Variants in NEO1 observed in about 807,000 individuals in gnomAD.
NEO1 encodes neogenin.
NEO1 carries 63 observed loss-of-function variants against 159.7 expected under a neutral mutation model. That is an observed-to-expected ratio of 0.39 (90% CI 0.32 to 0.49). The LOEUF (loss-of-function observed/expected upper bound fraction) is 0.49. NEO1 is among the 20% of genes least tolerant of loss of function. The probability of loss-of-function intolerance (pLI) is 0.85; values close to 1 mark genes in which losing one functional copy is unlikely to be tolerated. For missense variants in NEO1, 1,615 were observed against 1,831.0 expected (o/e 0.88, Z 2.15); for synonymous variants, 633 against 662.0 (o/e 0.96, Z 0.67).
Position 73,283,077 on chromosome 15 carries a change from T to C in NEO1, c.3376T>C (p.Phe1126Leu). 6.2e-7 allele frequency: 1 copy of C among 1,614,176 alleles called. No homozygotes were observed. Among genetic ancestry groups the C allele is most frequent in the South Asian group, 1.1e-5 (1 of 91,078 alleles). ...TIVVVVIIAV[F>L]CTRRTTSHQK... ...CGTGGTGGTTGTGATTATCGCTGTC[T>C]TTTGTACCCGTCGTACCACCTCTCA... Residue 1126 changes from phenylalanine (F) to leucine (L), a missense_variant, in exon 23 of 29, where the codon TTT becomes CTT. Physicochemically the swap from Phe to Leu is conservative, Grantham distance 22. This residue lies in a region of NEO1 where 471 missense variants were observed against 498.9 expected (regional missense o/e 0.94). Coordinates refer to ENST00000261908, the MANE Select transcript of NEO1 (RefSeq NM_002499.4).
At chr15:73,169,716 G>C (rs1194785886) in intron 5 of NEO1, among the ~76,000 whole-genome samples, 1 of 148,554 alleles carries the variant, frequency 6.7e-6, no homozygotes, top group East Asian at 2.0e-4. Flanking sequence ...CTGCCTTAGG[G>C]GGAGCCTCAG....
chr15:73,247,478 A>G (rs1596471587), intron 9 of NEO1, among the ~76,000 whole-genome samples: 1 of 152,348 alleles, frequency 6.6e-6, no homozygotes, highest in East Asian at 1.9e-4. Context: ...CCATAGCAGC[A>G]GAAGTGTGAC....
intron 5 of NEO1, among the ~76,000 whole-genome samples, chr15:73,139,763 G>A (rs1038935358): frequency 6.6e-6 from 1 of 152,220 alleles, no homozygotes; most frequent in African/African-American, 2.4e-5. Context: ...TATTGTTCAT[G>A]CAGTCTTACT....
chr15:73,078,012 A>G (rs1375983562), intron 1 of NEO1, among the ~76,000 whole-genome samples: 3 of 152,164 alleles, frequency 2.0e-5, no homozygotes, highest in Non-Finnish European at 4.4e-5. Context: ...AAACATCCAG[A>G]AGTGGGAAAG....
intron 7 of NEO1, among the ~76,000 whole-genome samples, chr15:73,227,775 A>G (rs2038675083): frequency 6.6e-6 from 1 of 152,238 alleles, no homozygotes; most frequent in Non-Finnish European, 1.5e-5. Context: ...TAGTAGCAGT[A>G]TGAACAAAGG....
chr15:73,145,060 T>C (rs2151803049), intron 5 of NEO1, among the ~76,000 whole-genome samples: 1 of 152,316 alleles, frequency 6.6e-6, no homozygotes, highest in South Asian at 2.1e-4. Context: ...TAAAATTCTT[T>C]CATTAAAAAC....
At chr15:73,062,449 CT>C (rs748477823) in intron 1 of NEO1, among the ~76,000 whole-genome samples, 3 of 152,140 alleles carry the variant, frequency 2.0e-5, no homozygotes, top group Admixed American at 6.6e-5. Context: ...TCCATAGCTG[CT>C]TGTGGTTCTT....
chr15:73,093,571 C>CTTTT (rs758201657), intron 1 of NEO1, among the ~76,000 whole-genome samples: 1 of 141,594 alleles, frequency 7.1e-6, no homozygotes, highest in Non-Finnish European at 1.5e-5. Context: ...TGGGAAGTTC[C>CTTTT]TTTTTTTTTT....
chr15:73,234,646 T>C (rs542551309), intron 7 of NEO1, among the ~76,000 whole-genome samples: 25 of 152,348 alleles, frequency 1.6e-4, no homozygotes, highest in African/African-American at 5.8e-4. Flanking sequence ...CTTGCTTTAG[T>C]GAAGCATGTA....
Position 73,078,312 on chromosome 15 carries a change from T to C in NEO1, c.130+25507T>C, listed in dbSNP as rs143650197. On this transcript the variant is annotated intron_variant, in intron 1 of 28. Coordinates refer to ENST00000261908, the MANE Select transcript of NEO1 (RefSeq NM_002499.4). ...GAAGCAGGGAGAAGGATATTGACAA[T>C]GTAGAATGCTTTCTGTGATATACTG... 3.8e-3 allele frequency among the ~76,000 whole-genome samples: 580 copies of C among 152,266 alleles called. 11 individuals carry two copies. The East Asian group carries it at 0.046, about 12-fold the overall frequency.
intron 1 of NEO1, among the ~76,000 whole-genome samples, chr15:73,091,508 G>C (rs372067387): frequency 2.0e-5 from 3 of 151,924 alleles, no homozygotes; most frequent in African/African-American, 7.3e-5. Flanking sequence ...TGCCTTTAAG[G>C]GTTCTGCTTT....
chr15:73,238,245 TTTTG>T (rs1177220364), intron 8 of NEO1, among the ~76,000 whole-genome samples: 6 of 151,232 alleles, frequency 4.0e-5, no homozygotes, highest in African/African-American at 1.2e-4. Flanking sequence ...TGTGGTATTT[TTTTG>T]TTTGTTTCGC....
rs1344367190 is a variant in NEO1, at chr15:73,304,324, A to G, written c.*1628A>G. 6.6e-6 allele frequency: 1 copy of G among 152,380 alleles called. No individual in the cohort carries two copies. Among genetic ancestry groups the G allele is most frequent in the Admixed American group, 6.5e-5 (1 of 15,278 alleles). 9.4% of individuals were successfully genotyped at this position (152,380 alleles called of 1,614,324 possible). A position where few individuals can be genotyped will look rare whatever the true frequency, so the allele number is the denominator to read the frequency against. On this transcript the variant is annotated 3_prime_UTR_variant, in exon 29 of 29. Transcript: ENST00000261908. ...GAAAACACACGACTGACGCTCAGGC[A>G]TCTTCCCCTACTCCCCAACAGATCC...
At chr15:73,299,501 T>C (rs2042521806) in intron 27 of NEO1, among the ~76,000 whole-genome samples, 1 of 152,220 alleles carries the variant, frequency 6.6e-6, no homozygotes, top group African/African-American at 2.4e-5. Context: ...TTCTCCTGCC[T>C]TAGCCTCCCA....
At chr15:73,155,800 G>C (rs994188141) in intron 5 of NEO1, among the ~76,000 whole-genome samples, 1 of 152,158 alleles carries the variant, frequency 6.6e-6, no homozygotes, top group Non-Finnish European at 1.5e-5. Flanking sequence ...TTCAGTTCTA[G>C]AATTTGTTTG....
intron 7 of NEO1, among the ~76,000 whole-genome samples, chr15:73,215,617 T>A (rs2037832652): frequency 1.3e-5 from 2 of 152,262 alleles, no homozygotes; most frequent in Non-Finnish European, 2.9e-5. Context: ...CATCTCTGCA[T>A]CCCTAGTATG....
chr15:73,195,942 G>C (rs1255780477), intron 7 of NEO1, among the ~76,000 whole-genome samples: 1 of 152,138 alleles, frequency 6.6e-6, no homozygotes, highest in East Asian at 1.9e-4. Context: ...CTATTTCTCT[G>C]TCAACTACAT....
chr15:73,068,011 CA>C (rs2068311412), intron 1 of NEO1, among the ~76,000 whole-genome samples: 1 of 152,106 alleles, frequency 6.6e-6, no homozygotes, highest in Non-Finnish European at 1.5e-5. Context: ...AACCATTTAA[CA>C]GTTTGATTGA....
chr15:73,164,131 G>A (rs1376584491), intron 5 of NEO1, among the ~76,000 whole-genome samples: 9 of 150,040 alleles, frequency 6.0e-5, no homozygotes, highest in Admixed American at 1.3e-4. Context: ...ATGTTCAAGC[G>A]ATTCTCCTGC....
Sources: gnomAD v4.1 joint callset for allele counts (sites outside exome capture counted in the v4.1 genomes callset) on GRCh38, gnomAD v4.1.1 for gene constraint, gnomAD v4.1.1 regional missense constraint, MANE v1.5 for transcripts, NCBI Gene and HGNC (gene_info 2026-07-23, HGNC 2026-07-21) for gene names.